MERTK: variants seen among roughly 807,000 people sequenced by gnomAD.
MERTK encodes the protein tyrosine-protein kinase Mer.
A neutral mutation model predicts 99.3 loss-of-function variants in MERTK; 69 were observed. The ratio of observed to expected loss-of-function variants is 0.70; its 90% CI spans 0.57 to 0.85. MERTK has a LOEUF of 0.85. MERTK is among the 40% of genes least tolerant of loss of function. The probability of loss-of-function intolerance (pLI) is 0.00; values close to 1 mark genes in which losing one functional copy is unlikely to be tolerated. For synonymous variants in MERTK, 426 were observed against 467.6 expected (o/e 0.91, Z 1.15); for missense variants, 1,125 against 1,249.4 (o/e 0.90, Z 1.50).
rs1318385339 is a variant in MERTK, at chr2:111,915,381, A to G, written c.62-13739A>G. On this transcript the variant is annotated intron_variant, in intron 1 of 18. Transcript: ENST00000295408. ...GCTTTTTTTTTCATTTTCTTTTTTT[A>G]TCTATTATTTTCTTCTTTCTGCTTG... Among the ~76,000 whole-genome samples the G allele has an allele frequency of 1.5e-5, 2 of 131,012 alleles. 1 individual carries two copies. Among genetic ancestry groups the G allele is most frequent in the Admixed American group, 1.5e-4 (2 of 13,464 alleles). 85.9% of individuals were successfully genotyped at this position (131,012 alleles called of 152,430 possible). A position where few individuals can be genotyped will look rare whatever the true frequency, so the allele number is the denominator to read the frequency against.
intron 4 of MERTK, among the ~76,000 whole-genome samples, chr2:111,957,673 T>A (rs1480846850): frequency 6.6e-6 from 1 of 152,170 alleles, no homozygotes; most frequent in Non-Finnish European, 1.5e-5. Flanking sequence ...ATATCCCAAG[T>A]TTCTGGAAAA....
At chr2:111,967,595 T>TA (rs1396567230) in intron 5 of MERTK, among the ~76,000 whole-genome samples, 5 of 152,050 alleles carry the variant, frequency 3.3e-5, no homozygotes, top group African/African-American at 1.2e-4. Flanking sequence ...AACTGACTCT[T>TA]AGTGTTTCCT....
At chr2:112,020,563 A>T (rs1450638508) in intron 16 of MERTK, 1 of 470,726 alleles carries the variant, frequency 2.1e-6, no homozygotes, top group Non-Finnish European at 4.4e-6. Flanking sequence ...TGGGCTACAA[A>T]TGCAGTTGTA....
rs140650643 is a variant in MERTK, at chr2:111,997,337, G to T, written c.1465G>T (p.Ala489Ser). 1 of 1,614,096 alleles carries T rather than the reference G, an allele frequency of 6.2e-7. No individual in the cohort carries two copies. Residue 489 changes from alanine to serine, a missense_variant, in exon 10 of 19, where the codon GCC (alanine) becomes TCC (serine). Physicochemically the swap from Ala to Ser is moderately conservative, Grantham distance 99 (BLOSUM62 1). Transcript: ENST00000295408. ...TATCTCACCAGGTTGGGTAGATTAT[G>T]CCCCCTCTTCAACTCCGGCGCCTGG... ...FIPAHGWVDY[A>S]PSSTPAPGNA...
chr2:111,919,037 T>A (rs1322311376), intron 1 of MERTK, among the ~76,000 whole-genome samples: 2 of 151,546 alleles, frequency 1.3e-5, no homozygotes, highest in African/African-American at 4.9e-5. Context: ...AAGAGGAGAG[T>A]GAGTTTTGAA....
intron 3 of MERTK, among the ~76,000 whole-genome samples, chr2:111,945,516 G>A (rs980557359): frequency 3.9e-5 from 6 of 152,184 alleles, no homozygotes; most frequent in African/African-American, 1.4e-4. Context: ...GGTTTTCCTC[G>A]ACTGGCTCAA....
At chr2:111,914,963 G>T (rs1402094246) in intron 1 of MERTK, among the ~76,000 whole-genome samples, 1 of 152,166 alleles carries the variant, frequency 6.6e-6, no homozygotes, top group Non-Finnish European at 1.5e-5. Context: ...TGTGGAATTG[G>T]TGTTAATTCT....
At chr2:111,914,630 T>G (rs550019669) in intron 1 of MERTK, among the ~76,000 whole-genome samples, 1 of 152,220 alleles carries the variant, frequency 6.6e-6, no homozygotes, top group Non-Finnish European at 1.5e-5. Flanking sequence ...GAATATTGAA[T>G]TTTGTTAAAT....
At chr2:111,899,747 A>T (rs906391356) in intron 1 of MERTK, among the ~76,000 whole-genome samples, 2 of 151,952 alleles carry the variant, frequency 1.3e-5, no homozygotes, top group African/African-American at 4.8e-5. Flanking sequence ...CGATCTCTTG[A>T]CCTCGTGATC....
intron 9 of MERTK, chr2:111,996,027 A>G (rs1426056288): frequency 6.5e-6 from 1 of 153,966 alleles, no homozygotes; most frequent in Non-Finnish European, 1.5e-5. Flanking sequence ...ATTGGAGTTT[A>G]GGCTGGGCGC....
At chr2:111,906,277 G>C (rs1684135313) in intron 1 of MERTK, among the ~76,000 whole-genome samples, 1 of 152,160 alleles carries the variant, frequency 6.6e-6, no homozygotes, top group Non-Finnish European at 1.5e-5. Flanking sequence ...AGCATTCAGG[G>C]ACAGTAAACA....
intron 15 of MERTK, among the ~76,000 whole-genome samples, chr2:112,017,140 A>G (rs1239049167): frequency 6.6e-6 from 1 of 152,180 alleles, no homozygotes; most frequent in African/African-American, 2.4e-5. Context: ...CCTGCTGATT[A>G]GTCCATTTTA....
At chr2:111,993,768 A>T (rs1676678349) in intron 8 of MERTK, among the ~76,000 whole-genome samples, 1 of 152,280 alleles carries the variant, frequency 6.6e-6, no homozygotes, top group African/African-American at 2.4e-5. Flanking sequence ...GAAAAAAAAA[A>T]GTGTCAGTGC....
At chr2:111,901,378 A>G (rs1239684354) in intron 1 of MERTK, among the ~76,000 whole-genome samples, 1 of 152,168 alleles carries the variant, frequency 6.6e-6, no homozygotes, top group Non-Finnish European at 1.5e-5. Context: ...CATGTATTCC[A>G]GTATATTGTA....
At chr2:111,971,501 G>A (rs1034036102) in intron 6 of MERTK, among the ~76,000 whole-genome samples, 8 of 149,518 alleles carry the variant, frequency 5.4e-5, no homozygotes, top group South Asian at 2.1e-4. Flanking sequence ...TAAGGTTTTC[G>A]TTGTTGTTGT....
chr2:112,027,323 C>A (rs1677485108), intron 18 of MERTK, among the ~76,000 whole-genome samples: 1 of 150,914 alleles, frequency 6.6e-6, no homozygotes. Flanking sequence ...TATATATACA[C>A]ACACATATGG....
intron 8 of MERTK, among the ~76,000 whole-genome samples, chr2:111,992,864 G>T (rs1676657417): frequency 6.6e-6 from 1 of 152,146 alleles, no homozygotes; most frequent in African/African-American, 2.4e-5. Flanking sequence ...GGGGGTCATG[G>T]GGTCCCTGAT....
At chr2:111,939,912 C>A (rs1163775315) in intron 2 of MERTK, among the ~76,000 whole-genome samples, 1 of 152,040 alleles carries the variant, frequency 6.6e-6, no homozygotes, top group African/African-American at 2.4e-5. Flanking sequence ...CACACCACAA[C>A]AAAATTATCA....
At chr2:111,934,018 C>G (rs577151461) in intron 2 of MERTK, among the ~76,000 whole-genome samples, 70 of 152,188 alleles carry the variant, frequency 4.6e-4, no homozygotes, top group African/African-American at 1.7e-3. Flanking sequence ...TGACGGTTTC[C>G]AGCGTCATCC....
Sources: allele counts gnomAD v4.1 joint callset (sites outside exome capture counted in the v4.1 genomes callset), GRCh38; gene constraint gnomAD v4.1.1; transcripts MANE v1.5; gene names NCBI Gene and HGNC (gene_info 2026-07-23, HGNC 2026-07-21).